The following PTPRS variants were observed in gnomAD, a reference collection of about 807,000 sequenced individuals.
PTPRS encodes the protein receptor-type tyrosine-protein phosphatase S.
In PTPRS, 63 loss-of-function variants were observed where a neutral mutation model predicts 215.3. The observed-to-expected ratio is 0.29, with a 90% CI of 0.24 to 0.36. The LOEUF (loss-of-function observed/expected upper bound fraction) is 0.36, where lower values mean the gene tolerates loss of function less well. Ranked by LOEUF, PTPRS falls within the 10% of genes least tolerant of loss-of-function variation. PTPRS has a pLI of 1.00. For synonymous variants in PTPRS, 1,404 were observed against 1,191.4 expected (o/e 1.18, Z -3.68); for missense variants, 2,258 against 2,825.8 (o/e 0.80, Z 4.56).
chr19:5,262,024 G>A (rs953555964), intron 6 of PTPRS, among the ~76,000 whole-genome samples: 3 of 152,182 alleles, frequency 2.0e-5, no homozygotes, highest in Non-Finnish European at 2.9e-5. Context: ...TGTAATCCTA[G>A]CACTTTGGGA....
chr19:5,214,835 C>T (rs2041269104), intron 28 of PTPRS, 99 bp from the exon 29 acceptor site: 18 of 1,241,092 alleles, frequency 1.5e-5, no homozygotes, highest in Non-Finnish European at 1.8e-5. Context: ...TGACCGCTCC[C>T]AGATTGTCCC....
chr19:5,335,300 C>T (rs965053280), intron 1 of PTPRS, among the ~76,000 whole-genome samples: 2 of 152,156 alleles, frequency 1.3e-5, no homozygotes, highest in African/African-American at 4.8e-5. Flanking sequence ...TGTCAAGGCT[C>T]GCCGCGACGC....
At chr19:5,223,393 T>G in intron 17 of PTPRS, 96 bp from the exon 18 acceptor site, 2 of 1,278,132 alleles carry the variant, frequency 1.6e-6, no homozygotes, top group Non-Finnish European at 2.0e-6. Context: ...TCCTTCAATA[T>G]AACATTTTTT....
At chr19:5,336,571 G>A (rs1600157185) in intron 1 of PTPRS, among the ~76,000 whole-genome samples, 1 of 152,146 alleles carries the variant, frequency 6.6e-6, no homozygotes, top group Non-Finnish European at 1.5e-5. Flanking sequence ...AAGGTAAGGT[G>A]TGAAAATGAC....
intron 1 of PTPRS, among the ~76,000 whole-genome samples, chr19:5,302,511 A>C (rs2049332555): frequency 6.6e-6 from 1 of 152,238 alleles, no homozygotes; most frequent in Non-Finnish European, 1.5e-5. Context: ...TGTTACAATG[A>C]AAATAGTACC....
intron 1 of PTPRS, among the ~76,000 whole-genome samples, chr19:5,327,011 C>T (rs1189090310): frequency 6.6e-6 from 1 of 152,160 alleles, no homozygotes; most frequent in Non-Finnish European, 1.5e-5. Context: ...AGGGTTCTGT[C>T]CACATTGACG....
chr19:5,218,029 C>T (rs2041641566), intron 25 of PTPRS, among the ~76,000 whole-genome samples: 1 of 152,110 alleles, frequency 6.6e-6, no homozygotes, highest in East Asian at 1.9e-4. Context: ...TGGAAAATGG[C>T]TGAGGGCAAA....
At chr19:5,289,845 A>G (rs1459966474) in intron 1 of PTPRS, among the ~76,000 whole-genome samples, 1 of 152,196 alleles carries the variant, frequency 6.6e-6, no homozygotes, top group Non-Finnish European at 1.5e-5. Flanking sequence ...AGGTGCACAT[A>G]GACTAGACCC....
In PTPRS at chr19:5,284,653, C is replaced by T. The variant is rs543003231; in HGVS notation, c.91+1397G>A. Among the ~76,000 whole-genome samples, 24 of 152,204 alleles carry T rather than the reference C, an allele frequency of 1.6e-4. 3 individuals are homozygous for T. The highest frequency in any genetic ancestry group is 6.5e-4 in the Admixed American group (10 of 15,274). The stretch of plus-strand genomic sequence containing the variant: ...ATGTATAGGGGCATTTACTAAAAAA[C>T]AGCATGAGGCTGGATGCCGTGGCTG... On this transcript the variant is annotated intron_variant, in intron 2 of 37. Transcript: ENST00000262963.
intron 4 of PTPRS, among the ~76,000 whole-genome samples, chr19:5,271,763 C>A (rs995465550): frequency 6.6e-6 from 1 of 151,874 alleles, no homozygotes; most frequent in African/African-American, 2.4e-5. Flanking sequence ...TCGCTCTTGT[C>A]GCCCAGGCTG....
rs2043581651 is a variant in PTPRS, at chr19:5,237,613, A to G, written c.1849+1306T>C. On this transcript the variant is annotated intron_variant, in intron 13 of 37. Transcript: ENST00000262963. This position sits in a 1 kb window ranked among gnomAD's most constrained non-coding sequence, Gnocchi z 4.2. ...AATTCGGGCCGTGGACTGTCCGTTC[A>G]GCCCAGAGTGGCTGGGGCAGGCGGG... 6.6e-6 allele frequency among the ~76,000 whole-genome samples: 1 copy of G among 152,178 alleles called. No homozygotes were observed. The highest frequency in any genetic ancestry group is 2.4e-5 in the African/African-American group (1 of 41,444).
At position 5,257,713 on chromosome 19, in the gene PTPRS, C is replaced by G. The variant is rs1344553567; in HGVS notation, c.706+304G>C. On this transcript the variant is annotated intron_variant, in intron 8 of 37. Coordinates refer to ENST00000262963, the MANE Select transcript of PTPRS (RefSeq NM_002850.4). This position sits in a 1 kb window ranked among gnomAD's most constrained non-coding sequence, Gnocchi z 4.4. ...CTCCCCTGGCCCTGTAGGCCCAAGA[C>G]TGACCCCCTCACCCTGCCCCACGCC... 6.6e-6 allele frequency among the ~76,000 whole-genome samples: 1 copy of G among 152,198 alleles called. No individual in the cohort carries two copies. Among genetic ancestry groups the G allele is most frequent in the Non-Finnish European group, 1.5e-5 (1 of 68,022 alleles).
At chr19:5,296,488 G>A (rs1401646267) in intron 1 of PTPRS, among the ~76,000 whole-genome samples, 4 of 152,148 alleles carry the variant, frequency 2.6e-5, no homozygotes, top group African/African-American at 4.8e-5. Context: ...GCGACAGAGC[G>A]AGACTCTATC....
intron 4 of PTPRS, among the ~76,000 whole-genome samples, chr19:5,268,859 A>C (rs955990018): frequency 1.3e-5 from 2 of 152,236 alleles, no homozygotes; most frequent in Non-Finnish European, 2.9e-5. Context: ...GACCGGCTGC[A>C]AAAGCCCTCC....
At chr19:5,302,617 C>G (rs2049336088) in intron 1 of PTPRS, among the ~76,000 whole-genome samples, 1 of 152,150 alleles carries the variant, frequency 6.6e-6, no homozygotes, top group Non-Finnish European at 1.5e-5. Flanking sequence ...TCTGAGATCA[C>G]CCTGAATCTC....
chr19:5,222,915 G>A lies in PTPRS; in HGVS notation c.2877C>T (p.Asn959=), dbSNP rs541561864. 2.6e-5 allele frequency: 41 copies of A among 1,567,588 alleles called. No individual in the cohort carries two copies. The highest frequency in any genetic ancestry group is 1.7e-4 in the Middle Eastern group (1 of 5,950). The change falls in exon 18 of 38, where the codon AAC becomes AAT. Residue 959 remains asparagine, a synonymous_variant. Transcript: ENST00000262963. ...RWLPPVPAER[N]GAIVKYTVAV... ...CCACCGTGTATTTGACGATGGCCCCGTTGCGCTCGGCGGGCACGGGTGGCA... is the reference window on the plus strand; with the variant it reads ...CCACCGTGTATTTGACGATGGCCCCATTGCGCTCGGCGGGCACGGGTGGCA...
chr19:5,303,448 G>A (rs540551591), intron 1 of PTPRS, among the ~76,000 whole-genome samples: 8 of 152,308 alleles, frequency 5.3e-5, no homozygotes, highest in African/African-American at 1.9e-4. Context: ...ACACAGTACA[G>A]ATCAAGGCAG....
At position 5,223,040 on chromosome 19, in the gene PTPRS, C is replaced by T; in HGVS notation, c.2752G>A (p.Ala918Thr). Reference sequence around the variant, plus strand: ...TCCTCCGGGATGCTCAGGACCTCGGCTGCCTCCTCGCCCAGGCCGCCGCGG... The same window carrying T: ...TCCTCCGGGATGCTCAGGACCTCGGTTGCCTCCTCGCCCAGGCCGCCGCGG... Reference protein sequence around the residue: ...RSRGGLGEEAAEVLSIPEDTP... With the variant: ...RSRGGLGEEATEVLSIPEDTP... The change falls in exon 18 of 38, where the codon GCC becomes ACC. Residue 918 changes from alanine (A) to threonine (T), a missense_variant. By Grantham distance (58) the Ala-to-Thr change is moderately conservative (BLOSUM62 0). Coordinates refer to ENST00000262963, the MANE Select transcript of PTPRS (RefSeq NM_002850.4). The T allele has an allele frequency of 6.5e-7, 1 of 1,547,864 alleles. No individual in the cohort carries two copies. Among genetic ancestry groups the T allele is most frequent in the Non-Finnish European group, 8.7e-7 (1 of 1,147,838 alleles).
chr19:5,277,899 GC>G (rs1378724010), intron 2 of PTPRS: 80 of 1,222,376 alleles, frequency 6.5e-5, no homozygotes, highest in Non-Finnish European at 8.4e-5. Flanking sequence ...AGATCTTGAT[GC>G]CCAACAGTGG....
Sources: allele counts gnomAD v4.1 joint callset (sites outside exome capture counted in the v4.1 genomes callset), GRCh38; gene constraint gnomAD v4.1.1; non-coding constraint Gnocchi (gnomAD v3.1); transcripts MANE v1.5; gene names NCBI Gene and HGNC (gene_info 2026-07-23, HGNC 2026-07-21).